The following FGF1 variants were observed in gnomAD, a reference collection of about 807,000 sequenced individuals.
FGF1 encodes the protein fibroblast growth factor 1.
A neutral mutation model predicts 13.4 loss-of-function variants in FGF1; 9 were observed. The ratio of observed to expected loss-of-function variants is 0.67; its 90% CI spans 0.40 to 1.17. The LOEUF (loss-of-function observed/expected upper bound fraction) is 1.17, where lower values mean the gene tolerates loss of function less well. Among genes scored for constraint, FGF1 ranks in the 50% most tolerant of loss-of-function variants. The pLI is 0.01. For missense variants in FGF1, 156 were observed against 192.7 expected, an observed-to-expected ratio of 0.81 and a Z score of 1.13; for synonymous variants, 93 against 79.0, an observed-to-expected ratio of 1.18 and a Z score of -0.94.
At chr5:142,602,649 G>A (rs1424257151) in intron 2 of FGF1, among the ~76,000 whole-genome samples, 1 of 152,038 alleles carries the variant, frequency 6.6e-6, no homozygotes, top group Non-Finnish European at 1.5e-5. Context: ...GAGCTTGTGT[G>A]CGTATATTGC....
chr5:142,684,193 A>T (rs1218093259), intron 1 of FGF1, among the ~76,000 whole-genome samples: 2 of 152,186 alleles, frequency 1.3e-5, no homozygotes, highest in Non-Finnish European at 2.9e-5. Context: ...CACCTAAGTG[A>T]GTGGCTGCAC....
At chr5:142,668,892 G>T (rs1206496862) in intron 1 of FGF1, among the ~76,000 whole-genome samples, 4 of 152,184 alleles carry the variant, frequency 2.6e-5, no homozygotes, top group African/African-American at 9.7e-5. Flanking sequence ...GGGCTGGGGG[G>T]ATGGATGGAG....
intron 1 of FGF1, among the ~76,000 whole-genome samples, chr5:142,668,439 C>T (rs1770851783): frequency 6.6e-6 from 1 of 152,214 alleles, no homozygotes; most frequent in African/African-American, 2.4e-5. Flanking sequence ...GGGGAGGCTG[C>T]TCTTGTCTTC....
At chr5:142,604,579 G>C (rs1757249755) in intron 2 of FGF1, among the ~76,000 whole-genome samples, 1 of 152,164 alleles carries the variant, frequency 6.6e-6, no homozygotes. Context: ...TCTATAGTGG[G>C]AGTTGTTGTA....
At chr5:142,616,650 C>G (rs1760306788) in intron 1 of FGF1, among the ~76,000 whole-genome samples, 1 of 152,070 alleles carries the variant, frequency 6.6e-6, no homozygotes, top group African/African-American at 2.4e-5. Flanking sequence ...CTCTCTGTCC[C>G]TCTGTCTCTT....
chr5:142,683,946 G>T (rs931559923), intron 1 of FGF1, among the ~76,000 whole-genome samples: 1 of 151,748 alleles, frequency 6.6e-6, no homozygotes, highest in Non-Finnish European at 1.5e-5. Flanking sequence ...ATGGTACCTA[G>T]GATGGATGTG....
chr5:142,634,268 T>A (rs1023857696), intron 1 of FGF1, among the ~76,000 whole-genome samples: 1 of 152,070 alleles, frequency 6.6e-6, no homozygotes, highest in Admixed American at 6.5e-5. Context: ...TTTTATCCAC[T>A]GTGACCACAT....
intron 1 of FGF1, among the ~76,000 whole-genome samples, chr5:142,644,958 C>T (rs1019812434): frequency 1.1e-4 from 16 of 152,192 alleles, no homozygotes; most frequent in East Asian, 1.9e-4. Context: ...CACTCCTAGT[C>T]GGATTCCAGG....
upstream of FGF1, among the ~76,000 whole-genome samples, chr5:142,686,726 T>C (rs1293955318): frequency 1.3e-5 from 2 of 152,104 alleles, no homozygotes; most frequent in Non-Finnish European, 2.9e-5. Flanking sequence ...GCCCTACAAA[T>C]GGCATTTTAC....
At chr5:142,620,203 G>T (rs1240556391) in intron 1 of FGF1, among the ~76,000 whole-genome samples, 1 of 152,140 alleles carries the variant, frequency 6.6e-6, no homozygotes, top group African/African-American at 2.4e-5. Context: ...GGATCACGAG[G>T]TAAGGAGATC....
intron 1 of FGF1, among the ~76,000 whole-genome samples, chr5:142,643,609 G>A (rs1380609522): frequency 6.6e-6 from 1 of 152,122 alleles, no homozygotes; most frequent in Admixed American, 6.5e-5. Context: ...TCTCAGTAGG[G>A]ACCAACAGCT....
intron 2 of FGF1, among the ~76,000 whole-genome samples, chr5:142,608,329 C>T (rs926862563): frequency 5.9e-5 from 9 of 151,934 alleles, no homozygotes; most frequent in Admixed American, 3.9e-4. Context: ...CGTCCTTTGC[C>T]GTGTTTACCC....
chr5:142,631,092 T>C (rs1477737121), intron 1 of FGF1, among the ~76,000 whole-genome samples: 1 of 152,168 alleles, frequency 6.6e-6, no homozygotes. Flanking sequence ...AACAGATAAA[T>C]TTCAGCTTGT....
intron 1 of FGF1, chr5:142,679,851 T>A (rs1370367138): frequency 6.6e-6 from 1 of 152,252 alleles, no homozygotes; most frequent in East Asian, 1.9e-4. Flanking sequence ...GGGGTTAGTC[T>A]GTTATGGTTG....
intron 1 of FGF1, among the ~76,000 whole-genome samples, chr5:142,675,952 C>T (rs748676843): frequency 9.9e-5 from 15 of 152,210 alleles, no homozygotes; most frequent in Non-Finnish European, 2.2e-4. Context: ...CTATTGAAGT[C>T]AACTCTTCTT....
intron 1 of FGF1, among the ~76,000 whole-genome samples, chr5:142,617,154 C>G (rs945518746): frequency 6.6e-6 from 1 of 152,082 alleles, no homozygotes; most frequent in Admixed American, 6.5e-5. Flanking sequence ...CACCTGAGGT[C>G]AAGCGTTCAA....
Position 142,679,393 on chromosome 5 carries a change from C to A in FGF1, c.-35+6564G>T, listed in dbSNP as rs138928258. 5.6e-3 allele frequency among the ~76,000 whole-genome samples: 853 copies of A among 152,314 alleles called. 6 individuals are homozygous for A. The highest frequency in any genetic ancestry group is 0.02 in the African/African-American group (816 of 41,580). On this transcript the variant is annotated intron_variant, in intron 1 of 3. Transcript: ENST00000337706. Reference sequence around the variant, plus strand: ...CCTCCTCATGGAAGCTTTCCAGGACCCCCTGTTGGGGTCAAGTTCCCCTGC... The same window carrying A: ...CCTCCTCATGGAAGCTTTCCAGGACACCCTGTTGGGGTCAAGTTCCCCTGC...
intron 1 of FGF1, among the ~76,000 whole-genome samples, chr5:142,673,150 C>G: frequency 6.6e-6 from 1 of 152,056 alleles, no homozygotes; most frequent in South Asian, 2.1e-4. Context: ...TTGGAGAGCA[C>G]GGAAAACTGT....
At chr5:142,683,617 T>A (rs545288455) in intron 1 of FGF1, among the ~76,000 whole-genome samples, 8 of 151,398 alleles carry the variant, frequency 5.3e-5, no homozygotes, top group African/African-American at 1.9e-4. Flanking sequence ...ACATTGGGAG[T>A]TAGAGACCAG....
Sources: allele counts gnomAD v4.1 joint callset (sites outside exome capture counted in the v4.1 genomes callset), GRCh38; gene constraint gnomAD v4.1.1; transcripts MANE v1.5; gene names NCBI Gene and HGNC (gene_info 2026-07-23, HGNC 2026-07-21).